Variants in ENOX2 observed in about 807,000 individuals in gnomAD.
ENOX2 encodes ecto-NOX disulfide-thiol exchanger 2, also known as APK1 antigen.
Under a neutral mutation model 45.0 loss-of-function variants are expected in ENOX2, and 36 were observed. The ratio of observed to expected loss-of-function variants is 0.80; its 90% CI spans 0.61 to 1.06. The LOEUF (loss-of-function observed/expected upper bound fraction) is 1.06. ENOX2 is among the 50% of genes least tolerant of loss of function. ENOX2 has a pLI of 0.00. For synonymous variants in ENOX2, 174 were observed against 152.3 expected, an observed-to-expected ratio of 1.14 and a Z score of -1.05; for missense variants, 423 against 462.5, an observed-to-expected ratio of 0.91 and a Z score of 0.78.
intron 3 of ENOX2, among the ~76,000 whole-genome samples, chrX:130,736,453 A>G (rs2038863881): frequency 8.9e-6 from 1 of 111,899 alleles, no homozygotes; most frequent in South Asian, 3.7e-4. Context: ...TTCCATTCAA[A>G]CATCTGTTTT....
At chrX:130,729,012 C>T (rs2038672996) in intron 3 of ENOX2, among the ~76,000 whole-genome samples, 2 of 111,481 alleles carry the variant, frequency 1.8e-5, no homozygotes, top group Non-Finnish European at 3.8e-5. Flanking sequence ...GACTCATGAT[C>T]ATTCAGAGTT....
intron 3 of ENOX2, among the ~76,000 whole-genome samples, chrX:130,706,701 C>A (rs1038691323): frequency 9.0e-5 from 10 of 111,700 alleles, no homozygotes; most frequent in African/African-American, 3.3e-4. Context: ...ATTTTGGGCA[C>A]AATAAGCAGT....
chrX:130,734,795 T>C (rs1341637839), intron 3 of ENOX2, among the ~76,000 whole-genome samples: 1 of 112,080 alleles, frequency 8.9e-6, no homozygotes, highest in Non-Finnish European at 1.9e-5. Context: ...ATAGATACAA[T>C]CATCTTTCTT....
chrX:130,719,468 A>AC (rs1465973543), intron 3 of ENOX2, among the ~76,000 whole-genome samples: 1 of 110,344 alleles, frequency 9.1e-6, no homozygotes, highest in Admixed American at 9.7e-5. Context: ...AAGAAAAAAA[A>AC]AAAAAAAAAA....
chrX:130,727,453 C>T (rs999895446), intron 3 of ENOX2, among the ~76,000 whole-genome samples: 4 of 112,084 alleles, frequency 3.6e-5, no homozygotes, highest in South Asian at 3.7e-4. Context: ...GAAGGTTCAA[C>T]GTGATTAAGC....
chrX:130,819,069 T>C (rs2077543938), intron 2 of ENOX2, among the ~76,000 whole-genome samples: 1 of 112,059 alleles, frequency 8.9e-6, no homozygotes. Flanking sequence ...GCAAAGGATA[T>C]GAACAGGCAC....
rs1464115254 is a variant in ENOX2, at chrX:130,632,329, AAAGTTCTTCTC to A, written c.1420-764_1420-754del. Among the ~76,000 whole-genome samples the A allele has an allele frequency of 7.2e-3, 567 of 78,807 alleles. 1 individual carries two copies. Among genetic ancestry groups the A allele is most frequent in the South Asian group, 0.026 (29 of 1,131 alleles). The allele number at this position is 78,807 out of a possible 115,157, so 68.4% of individuals were successfully genotyped here. A position where few individuals can be genotyped will look rare whatever the true frequency, so the allele number is the denominator to read the frequency against. On this transcript the variant is annotated intron_variant, in intron 12 of 14. Transcript: ENST00000394363. ...TTAGTAATGGCCTTCTTTGTTGTGG[AAAGTTCTTCTC>A]TTTCAGAATGTAGCAGGAAGGGGCG...
intron 3 of ENOX2, 73 bp from the exon 4 acceptor site, chrX:130,703,327 T>C (rs1020324313): frequency 1.6e-5 from 16 of 1,008,046 alleles, no homozygotes; most frequent in Non-Finnish European, 2.1e-5. Flanking sequence ...TAAACATAAA[T>C]TCTGGCAAAC....
At chrX:130,870,570 A>AC (rs2078560819) in intron 2 of ENOX2, among the ~76,000 whole-genome samples, 1 of 111,559 alleles carries the variant, frequency 9.0e-6, no homozygotes, top group South Asian at 3.8e-4. Context: ...TTAAACGTCA[A>AC]CTGGGGGGAA....
intron 2 of ENOX2, among the ~76,000 whole-genome samples, chrX:130,803,028 C>T (rs1256784158): frequency 1.8e-5 from 2 of 111,626 alleles, no homozygotes. Context: ...ATGAGTATTA[C>T]TTATGGAACA....
intron 2 of ENOX2, among the ~76,000 whole-genome samples, chrX:130,836,654 T>C (rs1410047683): frequency 1.8e-5 from 2 of 111,535 alleles, no homozygotes; most frequent in Non-Finnish European, 3.8e-5. Flanking sequence ...ACCCAGGAAG[T>C]AGTGATAAGC....
intron 3 of ENOX2, among the ~76,000 whole-genome samples, chrX:130,771,726 G>C (rs1326100299): frequency 1.8e-5 from 2 of 111,812 alleles, no homozygotes; most frequent in African/African-American, 6.5e-5. Flanking sequence ...GTCTAGCTCA[G>C]ATCAAATCAC....
At chrX:130,871,073 A>T (rs1348032696) in intron 2 of ENOX2, among the ~76,000 whole-genome samples, 1 of 111,557 alleles carries the variant, frequency 9.0e-6, no homozygotes, top group Non-Finnish European at 1.9e-5. Context: ...GGCCATCAGG[A>T]ATGACCACCA....
chrX:130,728,579 T>C (rs1310243537), intron 3 of ENOX2, among the ~76,000 whole-genome samples: 1 of 111,567 alleles, frequency 9.0e-6, no homozygotes, highest in Non-Finnish European at 1.9e-5. Context: ...TTCTTTGTAG[T>C]TGTTTTTACT....
chrX:130,781,033 C>A lies in ENOX2; in HGVS notation c.-39+2514G>T, dbSNP rs138554266. Among the ~76,000 whole-genome samples, 215 of 111,845 alleles carry A rather than the reference C, an allele frequency of 1.9e-3. 3 individuals carry two copies. Among genetic ancestry groups the A allele is most frequent in the African/African-American group, 6.5e-3 (200 of 30,820 alleles). ...TACTCATGAAATATCTTCCCTCTTC[C>A]TTTTGTCTAGTACTGCAGAGGAACA... is the stretch of plus-strand genomic sequence containing the variant. On this transcript the variant is annotated intron_variant, in intron 3 of 14. Coordinates refer to ENST00000394363, the MANE Select transcript of ENOX2 (RefSeq NM_006375.4).
intron 3 of ENOX2, among the ~76,000 whole-genome samples, chrX:130,761,574 A>G (rs1429795166): frequency 8.9e-6 from 1 of 111,841 alleles, no homozygotes; most frequent in Non-Finnish European, 1.9e-5. Context: ...TCGTACTGCA[A>G]ACTTTACAGA....
chrX:130,706,201 A>C (rs1260317552), intron 3 of ENOX2, among the ~76,000 whole-genome samples: 1 of 112,299 alleles, frequency 8.9e-6, no homozygotes, highest in African/African-American at 3.2e-5. Flanking sequence ...GAGATGAACA[A>C]AACTCATTTA....
At chrX:130,817,772 TA>T (rs759107327) in intron 2 of ENOX2, among the ~76,000 whole-genome samples, 15 of 112,150 alleles carry the variant, frequency 1.3e-4, no homozygotes, top group Non-Finnish European at 2.6e-4. Context: ...TATTTCAAAA[TA>T]GTAAGAGCTA....
intron 2 of ENOX2, among the ~76,000 whole-genome samples, chrX:130,865,549 C>T (rs1047326761): frequency 5.4e-5 from 6 of 112,108 alleles, no homozygotes; most frequent in East Asian, 2.8e-4. Context: ...AAGTTTTGCA[C>T]AAAACTTTCA....
Sources: allele counts gnomAD v4.1 joint callset (sites outside exome capture counted in the v4.1 genomes callset), GRCh38; gene constraint gnomAD v4.1.1; transcripts MANE v1.5; gene names NCBI Gene and HGNC (gene_info 2026-07-23, HGNC 2026-07-21).